The following SRP19 variants were observed in gnomAD, a reference collection of about 807,000 sequenced individuals.
The protein encoded by SRP19 is signal recognition particle 19 kDa protein.
SRP19 carries 11 observed loss-of-function variants against 22.4 expected under a neutral mutation model. That is an observed-to-expected ratio of 0.49 (90% confidence interval 0.31 to 0.81). SRP19 has a LOEUF of 0.81. Among genes scored for constraint, SRP19 ranks in the 40% least tolerant of loss-of-function variants. The probability of loss-of-function intolerance (pLI) is 0.05; values close to 1 mark genes in which losing one functional copy is unlikely to be tolerated. For missense variants in SRP19, 168 were observed against 175.9 expected (o/e 0.96, Z 0.25); for synonymous variants, 61 against 57.6 (o/e 1.06, Z -0.27).
chr5:112,868,011 A>G lies in SRP19; in HGVS notation c.*474A>G. ...TAGTGTGAGGCTAAAACTAGAAGAA[A>G]CTGTGGTAGGTCCTTTTGTGGGTGG... On this transcript the variant is annotated 3_prime_UTR_variant, in exon 5 of 5. Transcript: ENST00000505459. 1 of 986,258 alleles carries G rather than the reference A, an allele frequency of 1.0e-6. No homozygotes were observed. The highest frequency in any genetic ancestry group is 1.2e-6 in the Non-Finnish European group (1 of 830,502). The allele number at this position is 986,258 out of a possible 1,614,324, so 61.1% of individuals were successfully genotyped here. A position where few individuals can be genotyped will look rare whatever the true frequency, so the allele number is the denominator to read the frequency against.
At chr5:112,893,547 C>T (rs999124953), downstream of SRP19, 2 of 153,956 alleles carry the variant, frequency 1.3e-5, no homozygotes, top group Admixed American at 6.4e-5. Context: ...CTATTCCTTA[C>T]ATTTAAAGAC....
intron 4 of SRP19, chr5:112,885,004 C>T (rs1464757522): frequency 5.3e-5 from 8 of 152,182 alleles, no homozygotes; most frequent in African/African-American, 1.9e-4. Flanking sequence ...TTAATCAGAG[C>T]TGAGAGTGGA....
At position 112,869,564 on chromosome 5, in the gene SRP19, C is replaced by T. The variant is rs903024380; in HGVS notation, c.*2027C>T. The stretch of plus-strand genomic sequence containing the variant: ...AACCCTATATATACTATGTTTTTGC[C>T]TATGTATATATACTTGATATGGTTT... On this transcript the variant is annotated 3_prime_UTR_variant, in exon 5 of 5. Coordinates refer to ENST00000505459, the MANE Select transcript of SRP19 (RefSeq NM_003135.3). The T allele has an allele frequency of 7.9e-5, 12 of 152,330 alleles. No individual in the cohort carries two copies. Among genetic ancestry groups the T allele is most frequent in the African/African-American group, 2.6e-4 (11 of 41,544 alleles). 9.4% of individuals were successfully genotyped at this position (152,330 alleles called of 1,614,324 possible). A position where few individuals can be genotyped will look rare whatever the true frequency, so the allele number is the denominator to read the frequency against.
chr5:112,864,006 TG>T (rs1389121139), intron 2 of SRP19, among the ~76,000 whole-genome samples: 4 of 152,250 alleles, frequency 2.6e-5, no homozygotes, highest in African/African-American at 9.6e-5. Context: ...TATAAATAGA[TG>T]TTTTTTAGAG....
chr5:112,883,294 C>T (rs868753988), intron 4 of SRP19, among the ~76,000 whole-genome samples: 20 of 152,200 alleles, frequency 1.3e-4, no homozygotes, highest in Non-Finnish European at 2.8e-4. Flanking sequence ...TATCACTCCA[C>T]AAAATCTGTG....
chr5:112,862,053 A>C (rs1451793665), intron 1 of SRP19, among the ~76,000 whole-genome samples: 1 of 152,210 alleles, frequency 6.6e-6, no homozygotes, highest in Non-Finnish European at 1.5e-5. Flanking sequence ...TTATCTGTTG[A>C]GTGTAGTTGT....
chr5:112,873,184 T>C (rs1359227321), downstream of SRP19, among the ~76,000 whole-genome samples: 1 of 150,882 alleles, frequency 6.6e-6, no homozygotes, highest in African/African-American at 2.4e-5. Context: ...TTTTGAAAAT[T>C]TCATTGATAA....
At chr5:112,881,090 C>T (rs373810608) in intron 4 of SRP19, among the ~76,000 whole-genome samples, 2 of 133,714 alleles carry the variant, frequency 1.5e-5, no homozygotes, top group Non-Finnish European at 1.5e-5. Flanking sequence ...GATCATGCTA[C>T]TGCACTCCAG....
intron 1 of SRP19, chr5:112,862,289 A>T (rs431287): frequency 0.68 from 398,398 of 588,038 alleles, 136,161 homozygotes; most frequent in East Asian, 0.84. Flanking sequence ...TCAATCAGAA[A>T]GAGGAGTAGG....
intron 4 of SRP19, among the ~76,000 whole-genome samples, chr5:112,881,574 C>G (rs1768075970): frequency 6.6e-6 from 1 of 152,142 alleles, no homozygotes; most frequent in African/African-American, 2.4e-5. Flanking sequence ...TTTCTTTCCT[C>G]TCATGACCCT....
At chr5:112,877,838 T>G (rs1352198023) in intron 4 of SRP19, 1 of 152,210 alleles carries the variant, frequency 6.6e-6, no homozygotes, top group Non-Finnish European at 1.5e-5. Context: ...GAAAGAAGAC[T>G]AAATCAACAT....
chr5:112,886,796 T>C (rs1328891529), intron 4 of SRP19, among the ~76,000 whole-genome samples: 1 of 152,248 alleles, frequency 6.6e-6, no homozygotes, highest in Non-Finnish European at 1.5e-5. Flanking sequence ...ATGTTCTGAC[T>C]GAAGGCTACA....
intron 4 of SRP19, among the ~76,000 whole-genome samples, chr5:112,866,092 T>C (rs1474456571): frequency 1.3e-5 from 2 of 151,386 alleles, no homozygotes; most frequent in African/African-American, 4.8e-5. Flanking sequence ...AGTGGCACGA[T>C]TATGGCACAC....
rs58737941 is a variant in SRP19, at chr5:112,881,128, C to CAAAAA, written c.302-10456_302-10452dup. 2.5e-3 allele frequency among the ~76,000 whole-genome samples: 165 copies of CAAAAA among 67,148 alleles called. 4 individuals carry two copies. The highest frequency in any genetic ancestry group is 3.8e-3 in the African/African-American group (62 of 16,438). The allele number at this position is 67,148 out of a possible 152,430, so 44.1% of individuals were successfully genotyped here. ...TGGGCAACAGAGTGAGACTCTGTTT[C>CAAAAA]AAAAAAAAAAAAAAAAAAAAAAAGC... On this transcript the variant is annotated intron_variant, in intron 4 of 4. Coordinates refer to the SRP19 transcript ENST00000391338.
At chr5:112,863,549 T>C (rs1348881415) in intron 2 of SRP19, among the ~76,000 whole-genome samples, 2 of 152,204 alleles carry the variant, frequency 1.3e-5, no homozygotes, top group African/African-American at 4.8e-5. Flanking sequence ...AGATGTCTTT[T>C]GTGTGTGGGT....
chr5:112,861,497 C>T, intron 1 of SRP19, 80 bp downstream of exon 1: 1 of 1,491,184 alleles, frequency 6.7e-7, no homozygotes, highest in Non-Finnish European at 9.2e-7. Context: ...CTTCTCCGCT[C>T]CGCGGCCTCC....
chr5:112,877,755 CAAG>C (rs954979548), intron 4 of SRP19: 2 of 152,110 alleles, frequency 1.3e-5, no homozygotes, highest in African/African-American at 4.8e-5. Context: ...ATGATACAAA[CAAG>C]AACATACATG....
At chr5:112,894,577 G>A (rs1768620934), downstream of SRP19, 1 of 152,200 alleles carries the variant, frequency 6.6e-6, no homozygotes, top group South Asian at 2.1e-4. Context: ...TGGACATTTT[G>A]AAGAATATGC....
At chr5:112,882,261 C>G (rs548568654) in intron 4 of SRP19, among the ~76,000 whole-genome samples, 2 of 152,104 alleles carry the variant, frequency 1.3e-5, no homozygotes, top group East Asian at 3.9e-4. Flanking sequence ...TCAAGCATCC[C>G]ACTCAGCCAC....
Sources: gnomAD v4.1 joint callset for allele counts (sites outside exome capture counted in the v4.1 genomes callset) on GRCh38, gnomAD v4.1.1 for gene constraint, MANE v1.5 for transcripts, NCBI Gene and HGNC (gene_info 2026-07-23, HGNC 2026-07-21) for gene names.